The following CADM2 variants were observed in gnomAD, a reference collection of about 807,000 sequenced individuals.
CADM2 encodes cell adhesion molecule 2.
In CADM2, 12 loss-of-function variants were observed where a neutral mutation model predicts 49.8. The ratio of observed to expected loss-of-function variants is 0.24; its 90% confidence interval spans 0.15 to 0.39. CADM2 has a LOEUF of 0.39. Ranked by LOEUF, CADM2 falls within the 10% of genes least tolerant of loss-of-function variation. The pLI is 1.00. For synonymous variants in CADM2, 214 were observed against 175.4 expected (o/e 1.22, Z -1.74); for missense variants, 378 against 492.3 (o/e 0.77, Z 2.20).
intron 2 of CADM2, among the ~76,000 whole-genome samples, chr3:85,738,376 A>G (rs2068234752): frequency 6.6e-6 from 1 of 152,186 alleles, no homozygotes; most frequent in African/African-American, 2.4e-5. Flanking sequence ...TTTTTTCCTT[A>G]TAAAACTGAG....
At chr3:85,262,479 G>C (rs1019792014) in intron 1 of CADM2, among the ~76,000 whole-genome samples, 1 of 151,938 alleles carries the variant, frequency 6.6e-6, no homozygotes, top group African/African-American at 2.4e-5. Context: ...AGGCTGAATT[G>C]ATTATATCTT....
At chr3:85,718,039 G>A (rs1246762204) in intron 1 of CADM2, among the ~76,000 whole-genome samples, 1 of 152,102 alleles carries the variant, frequency 6.6e-6, no homozygotes, top group East Asian at 1.9e-4. Context: ...CAAAATGCTG[G>A]GATTACAGGC....
intron 3 of CADM2, among the ~76,000 whole-genome samples, chr3:85,858,268 T>C (rs76262486): frequency 0.012 from 1,887 of 152,324 alleles, 46 homozygotes; most frequent in East Asian, 0.048. Flanking sequence ...TGTTAAAAGA[T>C]AGATTGTTCA....
intron 1 of CADM2, among the ~76,000 whole-genome samples, chr3:85,632,435 A>G (rs2064342158): frequency 6.6e-6 from 1 of 152,154 alleles, no homozygotes; most frequent in Non-Finnish European, 1.5e-5. Flanking sequence ...AATAAGCAAT[A>G]ATATCAGAGT....
chr3:85,586,813 A>T (rs2062958512), intron 1 of CADM2, among the ~76,000 whole-genome samples: 1 of 152,120 alleles, frequency 6.6e-6, no homozygotes, highest in Non-Finnish European at 1.5e-5. Context: ...AGAGAAAAGT[A>T]TCCATGACAC....
Position 85,752,254 on chromosome 3 carries a change from ACCTTTTTCTTT to A in CADM2, c.88+25716_88+25726del, listed in dbSNP as rs1301451145. Among the ~76,000 whole-genome samples the A allele has an allele frequency of 2.0e-5, 3 of 152,214 alleles. No individual in the cohort carries two copies. In the East Asian group the frequency reaches 5.8e-4, roughly 29 times the overall value. ...AACCCTGCTGGGATATGAGATTCTG[ACCTTTTTCTTT>A]CCTTTTTCTGATCTGCTGAAAGAGT... On this transcript the variant is annotated intron_variant, in intron 2 of 9. Transcript: ENST00000383699.
chr3:85,401,371 A>C (rs1424295730), intron 1 of CADM2, among the ~76,000 whole-genome samples: 1 of 152,156 alleles, frequency 6.6e-6, no homozygotes, highest in African/African-American at 2.4e-5. Flanking sequence ...AAGAAATAAA[A>C]GGTGGCAAGT....
chr3:85,978,894 G>C (rs1299833302), intron 8 of CADM2, among the ~76,000 whole-genome samples: 1 of 151,314 alleles, frequency 6.6e-6, no homozygotes, highest in African/African-American at 2.4e-5. Flanking sequence ...GTGAACAAAT[G>C]AATTCTTGTC....
chr3:85,500,738 C>T (rs572864535), intron 1 of CADM2, among the ~76,000 whole-genome samples: 2 of 152,128 alleles, frequency 1.3e-5, no homozygotes, highest in African/African-American at 4.8e-5. Flanking sequence ...AGGATGGTCT[C>T]GATCTCCTGA....
intron 1 of CADM2, among the ~76,000 whole-genome samples, chr3:85,615,113 T>C (rs2063765656): frequency 6.6e-6 from 1 of 151,974 alleles, no homozygotes; most frequent in East Asian, 1.9e-4. Context: ...ATTCTCATAC[T>C]CTTTATTTAT....
intron 3 of CADM2, among the ~76,000 whole-genome samples, chr3:85,836,590 G>A (rs1430870202): frequency 1.3e-5 from 2 of 151,528 alleles, no homozygotes; most frequent in African/African-American, 4.8e-5. Context: ...TTCACTGGAT[G>A]TGTGTGGCAT....
At chr3:85,369,582 C>A (rs1321674737) in intron 1 of CADM2, among the ~76,000 whole-genome samples, 1 of 152,158 alleles carries the variant, frequency 6.6e-6, no homozygotes, top group Non-Finnish European at 1.5e-5. Flanking sequence ...CCAGCCTGAC[C>A]AACATGGAGA....
intron 1 of CADM2, among the ~76,000 whole-genome samples, chr3:85,571,439 C>A (rs2062472513): frequency 6.6e-6 from 1 of 151,758 alleles, no homozygotes; most frequent in Non-Finnish European, 1.5e-5. Context: ...TTTTGCAGGC[C>A]ACTCATTTAT....
chr3:85,543,069 A>G (rs563901207), intron 1 of CADM2, among the ~76,000 whole-genome samples: 1 of 152,142 alleles, frequency 6.6e-6, no homozygotes, highest in Admixed American at 6.5e-5. Flanking sequence ...ACTTGTACAC[A>G]TTTTTCTCCA....
chr3:86,015,043 T>C (rs1469602994), intron 8 of CADM2: 1 of 830,910 alleles, frequency 1.2e-6, no homozygotes, highest in Non-Finnish European at 2.0e-6. Flanking sequence ...CTGGATTTAA[T>C]GGCGGACACA....
At chr3:85,658,402 A>G (rs957320349) in intron 1 of CADM2, among the ~76,000 whole-genome samples, 2 of 151,684 alleles carry the variant, frequency 1.3e-5, no homozygotes, top group African/African-American at 2.4e-5. Flanking sequence ...TCTAATCTCT[A>G]GAACTCTAAG....
intron 1 of CADM2, among the ~76,000 whole-genome samples, chr3:85,720,282 T>C (rs1346161098): frequency 6.6e-6 from 1 of 152,170 alleles, no homozygotes; most frequent in Non-Finnish European, 1.5e-5. Flanking sequence ...TTTCATTATT[T>C]TGAAAAAATT....
intron 3 of CADM2, among the ~76,000 whole-genome samples, chr3:85,813,056 T>C (rs2072982069): frequency 6.6e-6 from 1 of 152,216 alleles, no homozygotes; most frequent in Non-Finnish European, 1.5e-5. Flanking sequence ...ATCCTTTGGG[T>C]ATATACTCAG....
chr3:86,063,304 C>A (rs959665092), intron 8 of CADM2, among the ~76,000 whole-genome samples: 1 of 152,196 alleles, frequency 6.6e-6, no homozygotes, highest in Non-Finnish European at 1.5e-5. Flanking sequence ...AGGAGAAGTA[C>A]TTCATGATAA....
Sources: allele counts gnomAD v4.1 joint callset (sites outside exome capture counted in the v4.1 genomes callset), GRCh38; gene constraint gnomAD v4.1.1; transcripts MANE v1.5; gene names NCBI Gene and HGNC (gene_info 2026-07-23, HGNC 2026-07-21).